LRP1B: variants seen among roughly 807,000 people sequenced by gnomAD.
LRP1B encodes the protein low-density lipoprotein receptor-related protein 1B.
In LRP1B, 217 loss-of-function variants were observed where a neutral mutation model predicts 556.6. The ratio of observed to expected loss-of-function variants is 0.39; its 90% CI spans 0.35 to 0.44. The LOEUF is 0.44. LRP1B is among the 20% of genes least tolerant of loss of function. The pLI is 1.00. For synonymous variants in LRP1B, 2,047 were observed against 1,865.8 expected, an observed-to-expected ratio of 1.10 and a Z score of -2.50; for missense variants, 5,053 against 5,620.8, an observed-to-expected ratio of 0.90 and a Z score of 3.23.
chr2:141,007,872 A>G (rs997314213), intron 14 of LRP1B, among the ~76,000 whole-genome samples: 1 of 151,756 alleles, frequency 6.6e-6, no homozygotes, highest in Non-Finnish European at 1.5e-5. Flanking sequence ...AAACTTTGAA[A>G]TATATTTCTT....
At chr2:141,121,417 T>A (rs1701044563) in intron 7 of LRP1B, among the ~76,000 whole-genome samples, 1 of 152,058 alleles carries the variant, frequency 6.6e-6, no homozygotes, top group South Asian at 2.1e-4. Flanking sequence ...ACCAATGCTC[T>A]AACCCCTGAG....
chr2:142,079,018 A>T (rs1705614712), intron 1 of LRP1B, among the ~76,000 whole-genome samples: 1 of 152,182 alleles, frequency 6.6e-6, no homozygotes. Context: ...TTCCAATTTA[A>T]TTCACAAATT....
chr2:141,833,611 A>C (rs955358400), intron 1 of LRP1B, among the ~76,000 whole-genome samples: 2 of 151,898 alleles, frequency 1.3e-5, no homozygotes, highest in Non-Finnish European at 2.9e-5. Context: ...CAAGACAATA[A>C]CAATTTAGCA....
At chr2:141,024,760 G>T (rs1698170474) in intron 11 of LRP1B, among the ~76,000 whole-genome samples, 1 of 152,040 alleles carries the variant, frequency 6.6e-6, no homozygotes, top group South Asian at 2.1e-4. Context: ...ACAACAAGCA[G>T]GATGGTCATC....
chr2:140,783,490 A>C (rs1458218394), intron 32 of LRP1B, among the ~76,000 whole-genome samples: 2 of 149,024 alleles, frequency 1.3e-5, no homozygotes, highest in African/African-American at 5.0e-5. Context: ...AAAACAATAA[A>C]AAATTCATAA....
chr2:141,969,345 CA>C (rs1316639864), intron 1 of LRP1B, among the ~76,000 whole-genome samples: 2 of 151,476 alleles, frequency 1.3e-5, no homozygotes, highest in Non-Finnish European at 1.5e-5. Flanking sequence ...AAAAAAAATA[CA>C]AAACTCATTT....
chr2:141,142,193 T>G (rs1015113618), intron 7 of LRP1B, among the ~76,000 whole-genome samples: 1 of 152,224 alleles, frequency 6.6e-6, no homozygotes, highest in Non-Finnish European at 1.5e-5. Flanking sequence ...CCTTGACACC[T>G]TCTCACCAGA....
intron 86 of LRP1B, among the ~76,000 whole-genome samples, chr2:140,269,684 G>A (rs1307233247): frequency 6.6e-6 from 1 of 151,764 alleles, no homozygotes; most frequent in East Asian, 2.0e-4. Context: ...TCATGGAGGG[G>A]GGAAAATACT....
At chr2:140,728,067 C>A (rs1490259265) in intron 35 of LRP1B, among the ~76,000 whole-genome samples, 1 of 152,030 alleles carries the variant, frequency 6.6e-6, no homozygotes, top group African/African-American at 2.4e-5. Context: ...TGTACATTCT[C>A]TTTTAAATTA....
At chr2:140,755,780 C>A (rs1387117181) in intron 35 of LRP1B, among the ~76,000 whole-genome samples, 1 of 151,894 alleles carries the variant, frequency 6.6e-6, no homozygotes, top group African/African-American at 2.4e-5. Flanking sequence ...AAGAATAAGA[C>A]AAGAATGTGT....
intron 3 of LRP1B, among the ~76,000 whole-genome samples, chr2:141,477,231 G>A (rs1682746330): frequency 6.7e-6 from 1 of 148,826 alleles, no homozygotes; most frequent in Non-Finnish European, 1.5e-5. Context: ...TTAAATTATA[G>A]TCTATGCTTA....
intron 20 of LRP1B, among the ~76,000 whole-genome samples, chr2:140,938,124 G>T (rs1695283979): frequency 6.6e-6 from 1 of 151,812 alleles, no homozygotes; most frequent in African/African-American, 2.4e-5. Context: ...ATAAGGATAA[G>T]ATTTTAGCTT....
At chr2:140,525,057 T>G (rs1255522027) in intron 49 of LRP1B, among the ~76,000 whole-genome samples, 1 of 151,874 alleles carries the variant, frequency 6.6e-6, no homozygotes, top group Non-Finnish European at 1.5e-5. Context: ...GTGTATAAAC[T>G]TTTGTGTAAA....
At position 141,800,282 on chromosome 2, in the gene LRP1B, G is replaced by T. The variant is rs114331232; in HGVS notation, c.205+9997C>A. 4.2e-3 allele frequency among the ~76,000 whole-genome samples: 633 copies of T among 152,274 alleles called. 6 individuals carry two copies. The highest frequency in any genetic ancestry group is 0.014 in the African/African-American group (595 of 41,548). On this transcript the variant is annotated intron_variant, in intron 2 of 90. Transcript: ENST00000389484. ...CACTAAGCATCAAGATGTTGACCTTGGTAATCCCTTGAACTCCAGGCTGTA... is the reference window on the plus strand; with the variant it reads ...CACTAAGCATCAAGATGTTGACCTTTGTAATCCCTTGAACTCCAGGCTGTA...
At chr2:140,417,433 T>G (rs1685246914) in intron 66 of LRP1B, among the ~76,000 whole-genome samples, 1 of 152,198 alleles carries the variant, frequency 6.6e-6, no homozygotes, top group African/African-American at 2.4e-5. Context: ...TCAAAGAAGA[T>G]TAATGAATCA....
At chr2:140,867,300 A>G (rs1352225240) in intron 27 of LRP1B, among the ~76,000 whole-genome samples, 7 of 151,990 alleles carry the variant, frequency 4.6e-5, no homozygotes, top group Non-Finnish European at 8.8e-5. Flanking sequence ...TCTTCCCAAT[A>G]TGCTACATGG....
rs564924812 is a variant in LRP1B, at chr2:140,303,721, C to G, written c.12806-5752G>C. Among the ~76,000 whole-genome samples the G allele has an allele frequency of 8.5e-5, 13 of 152,116 alleles. 1 individual carries two copies. The highest frequency in any genetic ancestry group is 3.1e-4 in the African/African-American group (13 of 41,482). On this transcript the variant is annotated intron_variant, in intron 83 of 90. Transcript: ENST00000389484. ...GTGTGCACAACATGCGGGTTTGTTA[C>G]ATAGGTATACATGTGCCATGTTGGT...
At chr2:140,275,741 T>C (rs1242371728) in intron 84 of LRP1B, among the ~76,000 whole-genome samples, 1 of 151,964 alleles carries the variant, frequency 6.6e-6, no homozygotes, top group Non-Finnish European at 1.5e-5. Flanking sequence ...AATCTTCCCA[T>C]CAGTCACGAA....
At chr2:141,081,967 G>A (rs1525605) in intron 7 of LRP1B, among the ~76,000 whole-genome samples, 72,529 of 151,980 alleles carry the variant, frequency 0.48, 18,368 homozygotes, top group Non-Finnish European at 0.57. Flanking sequence ...ATACAGTATT[G>A]TCAATGTTTT....
Sources: gnomAD v4.1 joint callset for allele counts (sites outside exome capture counted in the v4.1 genomes callset) on GRCh38, gnomAD v4.1.1 for gene constraint, MANE v1.5 for transcripts, NCBI Gene and HGNC (gene_info 2026-07-23, HGNC 2026-07-21) for gene names.